Variants in ATAD5 observed in about 807,000 individuals in gnomAD.
The protein encoded by ATAD5 is ATPase family AAA domain containing 5.
ATAD5 carries 58 observed loss-of-function variants against 176.9 expected under a neutral mutation model. The ratio of observed to expected loss-of-function variants is 0.33; its 90% CI spans 0.27 to 0.41. The LOEUF (loss-of-function observed/expected upper bound fraction) is 0.41. ATAD5 is among the 10% of genes least tolerant of loss of function. The pLI is 1.00. For synonymous variants in ATAD5, 640 were observed against 712.6 expected (o/e 0.90, Z 1.62); for missense variants, 1,789 against 2,094.1 (o/e 0.85, Z 2.84).
At chr17:30,875,919 C>T (rs968073549) in intron 14 of ATAD5, among the ~76,000 whole-genome samples, 2 of 151,598 alleles carry the variant, frequency 1.3e-5, no homozygotes, top group Non-Finnish European at 2.9e-5. Context: ...GGGTAGATCA[C>T]GAGGTCAGGA....
chr17:30,839,151 A>G (rs904295036), intron 3 of ATAD5, among the ~76,000 whole-genome samples: 5 of 152,238 alleles, frequency 3.3e-5, no homozygotes, highest in Non-Finnish European at 7.4e-5. Context: ...TAATGTTTCT[A>G]TGAGAATAAG....
At chr17:30,844,551 CTT>C (rs145866847) in intron 5 of ATAD5, among the ~76,000 whole-genome samples, 5 of 139,522 alleles carry the variant, frequency 3.6e-5, no homozygotes, top group Admixed American at 7.3e-5. Context: ...AAGAGTTTTT[CTT>C]TTTTTTTTTT....
At chr17:30,855,605 TGCAG>T (rs1377941519) in intron 7 of ATAD5, among the ~76,000 whole-genome samples, 2 of 152,026 alleles carry the variant, frequency 1.3e-5, no homozygotes, top group Non-Finnish European at 2.9e-5. Context: ...GAGAGGACAA[TGCAG>T]GAGAAGAGCT....
chr17:30,878,715 G>GGT (rs1567696439), intron 17 of ATAD5, among the ~76,000 whole-genome samples: 4 of 91,174 alleles, frequency 4.4e-5, no homozygotes, highest in Admixed American at 1.1e-4. Flanking sequence ...GAAGTTAGGT[G>GGT]GTGTTTTTTT....
intron 9 of ATAD5, among the ~76,000 whole-genome samples, chr17:30,859,853 A>C (rs1907514831): frequency 6.9e-6 from 1 of 145,866 alleles, no homozygotes; most frequent in African/African-American, 2.5e-5. Flanking sequence ...CCTCCTAGGT[A>C]GCTGAGATTA....
At chr17:30,858,414 T>G in intron 9 of ATAD5, 91 bp downstream of exon 9, 1 of 991,504 alleles carries the variant, frequency 1.0e-6, no homozygotes, top group Non-Finnish European at 1.3e-6. Context: ...AGACGGAGTT[T>G]TGCTCTTGTC....
Position 30,832,300 on chromosome 17 carries a change from C to A in ATAD5, c.-48C>A, listed in dbSNP as rs1349272512. 3 of 1,473,046 alleles carry A rather than the reference C, an allele frequency of 2.0e-6. No homozygotes were observed. The highest frequency in any genetic ancestry group is 2.7e-5 in the East Asian group (1 of 37,716). 91.2% of individuals were successfully genotyped at this position (1,473,046 alleles called of 1,614,324 possible). A position where few individuals can be genotyped will look rare whatever the true frequency, so the allele number is the denominator to read the frequency against. On this transcript the variant is annotated 5_prime_UTR_variant, in exon 1 of 23. It adds an upstream start codon to the 5' untranslated region. Coordinates refer to ENST00000321990, the MANE Select transcript of ATAD5 (RefSeq NM_024857.5). ...CTCCATGGCCTCCAGGCAGGCCGGGCTGGACCGCGTGAGGTCCTAGGAGAC... is the reference window on the plus strand; with the variant it reads ...CTCCATGGCCTCCAGGCAGGCCGGGATGGACCGCGTGAGGTCCTAGGAGAC...
At chr17:30,894,308 T>G (rs1909801368) in intron 21 of ATAD5, among the ~76,000 whole-genome samples, 158 bp downstream of exon 21, 1 of 152,138 alleles carries the variant, frequency 6.6e-6, no homozygotes, top group African/African-American at 2.4e-5. Flanking sequence ...AGAGACCAGC[T>G]TGATCGCTGG....
At chr17:30,866,036 C>T (rs572298145) in intron 11 of ATAD5, among the ~76,000 whole-genome samples, 5 of 151,962 alleles carry the variant, frequency 3.3e-5, no homozygotes, top group African/African-American at 1.2e-4. Context: ...TAGTTCCTTC[C>T]TTTCTAACAA....
At chr17:30,861,359 CCTT>C (rs1384112331) in intron 10 of ATAD5, among the ~76,000 whole-genome samples, 4 of 151,736 alleles carry the variant, frequency 2.6e-5, no homozygotes, top group South Asian at 2.1e-4. Context: ...CATTCTTTCT[CCTT>C]CTCTCTCTTT....
intron 8 of ATAD5, among the ~76,000 whole-genome samples, chr17:30,857,596 A>G (rs1907358020): frequency 6.6e-6 from 1 of 152,200 alleles, no homozygotes; most frequent in African/African-American, 2.4e-5. Flanking sequence ...TTAAGAATTA[A>G]TGATTGCCAG....
chr17:30,841,014 C>CT (rs11284489), intron 4 of ATAD5, among the ~76,000 whole-genome samples: 233 of 147,200 alleles, frequency 1.6e-3, no homozygotes, highest in Non-Finnish European at 2.2e-3. Flanking sequence ...CTACCTCTTC[C>CT]TTTTTTTTTT....
In ATAD5 at chr17:30,871,842, C is replaced by A. The variant is rs575826697; in HGVS notation, c.3607+2196C>A. On this transcript the variant is annotated intron_variant, in intron 14 of 22. Transcript: ENST00000321990. ...TTTTTTTCTAAATTTATCAATCCTG[C>A]ACTTTTTGTACCTATAACTGTTCGT... Among the ~76,000 whole-genome samples the A allele has an allele frequency of 6.6e-5, 10 of 152,192 alleles. No individual in the cohort carries two copies. In the East Asian group the frequency reaches 1.7e-3, roughly 26 times the overall value.
intron 9 of ATAD5, 115 bp from the exon 10 acceptor site, chr17:30,860,318 C>G (rs1295671487): frequency 2.4e-6 from 3 of 1,229,294 alleles, no homozygotes; most frequent in Admixed American, 6.2e-5. Flanking sequence ...GCCACTGCAC[C>G]TGGATTGCCT....
chr17:30,881,371 T>C (rs9900144), intron 18 of ATAD5, among the ~76,000 whole-genome samples: 20,041 of 152,086 alleles, frequency 0.13, 1,464 homozygotes, highest in South Asian at 0.24. Context: ...ACGATCTTGG[T>C]TCACTACAAC....
rs1005680769 is a variant in ATAD5, at chr17:30,835,022, C to T, written c.941C>T (p.Ser314Phe). 1.9e-6 allele frequency: 3 copies of T among 1,613,942 alleles called. No individual in the cohort carries two copies. The highest frequency in any genetic ancestry group is 1.7e-5 in the Admixed American group (1 of 60,004). Residue 314 changes from serine to phenylalanine, a missense_variant, in exon 2 of 23, where the codon TCC (serine) becomes TTC (phenylalanine). Ser to Phe is a radical substitution (Grantham distance 155). Around this residue, in one of 6 missense-constraint regions of ATAD5, gnomAD observed 696 missense variants for 712.5 expected, o/e 0.98. Transcript: ENST00000321990. ...YISESENSEI[S>F]QQVRFKTVTV... ...AGTGAATCAGAAAACTCCGAAATTT[C>T]CCAGCAGGTACGCTTTAAGACAGTT...
chr17:30,865,616 AC>A, intron 10 of ATAD5, 87 bp from the exon 11 acceptor site: 1 of 734,660 alleles, frequency 1.4e-6, no homozygotes, highest in East Asian at 3.0e-5. Context: ...ACCTACTGTG[AC>A]ATTGTAACAA....
At position 30,846,445 on chromosome 17, in the gene ATAD5, T is replaced by G. The variant is rs912970667; in HGVS notation, c.2450+1529T>G. ...TTTAGACGGAGTCTCACTCTGTCAC[T>G]AGGCTGGAGTGCAGTGGCGTGATCT... On this transcript the variant is annotated intron_variant, in intron 6 of 22. Transcript: ENST00000321990. Among the ~76,000 whole-genome samples, 26 of 149,900 alleles carry G rather than the reference T, an allele frequency of 1.7e-4. 1 individual carries two copies. Among genetic ancestry groups the G allele is most frequent in the Non-Finnish European group, 4.4e-5 (3 of 67,444 alleles).
Position 30,855,290 on chromosome 17 carries a change from T to C in ATAD5, c.2598T>C (p.Ser866=). ...ATGTGTACAATGCAGTGAGTACCAG[T>C]TTCCAGAGAGTCGTACATGTGCAAC... The part of the protein sequence containing the change: ...ALDVYNAVST[S]FQRVVHVQQK... Residue 866 remains serine (S), a synonymous_variant, in exon 7 of 23, where the codon AGT becomes AGC. Coordinates refer to ENST00000321990, the MANE Select transcript of ATAD5 (RefSeq NM_024857.5). 1 of 1,607,154 alleles carries C rather than the reference T, an allele frequency of 6.2e-7. No homozygotes were observed. Among genetic ancestry groups the C allele is most frequent in the Non-Finnish European group, 8.5e-7 (1 of 1,178,156 alleles).
Sources: allele counts gnomAD v4.1 joint callset (sites outside exome capture counted in the v4.1 genomes callset), GRCh38; gene constraint gnomAD v4.1.1; regional missense constraint gnomAD v4.1.1; transcripts MANE v1.5; gene names NCBI Gene and HGNC (gene_info 2026-07-23, HGNC 2026-07-21).